The following TTN variants were observed in gnomAD, a reference collection of about 807,000 sequenced individuals.
The protein encoded by TTN is titin, also known as connectin.
TTN carries 1,525 observed loss-of-function variants against 3,223.0 expected under a neutral mutation model. The ratio of observed to expected loss-of-function variants is 0.47; its 90% CI spans 0.45 to 0.49. The LOEUF (loss-of-function observed/expected upper bound fraction) is 0.49, where lower values mean the gene tolerates loss of function less well. Among genes scored for constraint, TTN ranks in the 20% least tolerant of loss-of-function variants. The pLI is 0.00. For missense variants in TTN, 40,786 were observed against 43,424.0 expected (o/e 0.94, Z 5.40); for synonymous variants, 14,094 against 15,161.0 (o/e 0.93, Z 5.17).
rs1160730554 is a variant in TTN, at chr2:178,715,604, C to T, written c.25810G>A (p.Val8604Met). 6.2e-7 allele frequency: 1 copy of T among 1,613,672 alleles called. No homozygotes were observed. Among genetic ancestry groups the T allele is most frequent in the African/African-American group, 1.3e-5 (1 of 75,014 alleles). The change falls in exon 89 of 363, where the codon GTG becomes ATG. Residue 8604 changes from valine (V) to methionine (M), a missense_variant. Coordinates refer to ENST00000589042, the MANE Select transcript of TTN (RefSeq NM_001267550.2). ...AGATTGTGCATTTCCAGCACAGCCACCGAGTCAACGAATGACATTCTGAAT... is the reference window on the plus strand; with the variant it reads ...AGATTGTGCATTTCCAGCACAGCCATCGAGTCAACGAATGACATTCTGAAT... ...SKFRMSFVDSVAVLEMHNLSV... is the reference protein window; with the variant it reads ...SKFRMSFVDSMAVLEMHNLSV...
At position 178,565,591 on chromosome 2, in the gene TTN, T is replaced by C. The variant is rs1575673279; in HGVS notation, c.80541A>G (p.Gln26847=). The change falls in exon 326 of 363, where the codon CAA becomes CAG. Residue 26847 remains glutamine, a synonymous_variant. Coordinates refer to ENST00000589042, the MANE Select transcript of TTN (RefSeq NM_001267550.2). The part of the protein sequence containing the change: ...NAVVTGLSSG[Q]EYQFRVKAYN... ...AAGCCTTGACACGGAACTGATATTC[T>C]TGTCCAGAACTCAAACCAGTAACAA... 6.2e-7 allele frequency: 1 copy of C among 1,613,654 alleles called. No individual in the cohort carries two copies. The highest frequency in any genetic ancestry group is 1.3e-5 in the African/African-American group (1 of 75,028).
chr2:178,597,612 T>G lies in TTN; in HGVS notation c.57470A>C (p.His19157Pro). Residue 19157 changes from histidine (H) to proline (P), a missense_variant, in exon 294 of 363, where the codon CAT becomes CCT. Physicochemically the swap from His to Pro is moderately conservative, Grantham distance 77 (BLOSUM62 -2). Transcript: ENST00000589042. Reference sequence around the variant, plus strand: ...GGCAAGAAGAGAATAGACGCCTTGATGGCTCCTCTGGCAGTTCTTGATGAC... The same window carrying G: ...GGCAAGAAGAGAATAGACGCCTTGAGGGCTCCTCTGGCAGTTCTTGATGAC... ...SMVIKNCQRS[H>P]QGVYSLLAKN... 6.2e-7 allele frequency: 1 copy of G among 1,613,238 alleles called. No homozygotes were observed. Among genetic ancestry groups the G allele is most frequent in the East Asian group, 2.2e-5 (1 of 44,666 alleles).
In TTN at chr2:178,547,184, C is replaced by G. The variant is rs1169915824; in HGVS notation, c.94341G>C (p.Lys31447Asn). ...GSKIIGYWVE[K>N]KERNTILWVK... is the part of the protein sequence containing the mutation. ...CCCAAAGAATTGTATTACGTTCTTT[C>G]TTCTCAACCCAGTAGCCAATGATTT... Residue 31447 changes from lysine to asparagine, a missense_variant, in exon 340 of 363, where the codon AAG (lysine) becomes AAC (asparagine). Transcript: ENST00000589042. The G allele has an allele frequency of 6.2e-7, 1 of 1,613,854 alleles. No homozygotes were observed. The highest frequency in any genetic ancestry group is 1.7e-5 in the Admixed American group (1 of 60,010).
intron 117 of TTN, 31 bp downstream of exon 117, chr2:178,694,568 G>C: frequency 6.6e-7 from 1 of 1,521,800 alleles, no homozygotes. Flanking sequence ...AAAAAATTTT[G>C]AACTTGTAGC....
chr2:178,727,787 T>G lies in TTN; in HGVS notation c.19791A>C (p.Leu6597=), dbSNP rs774156360. The change falls in exon 68 of 363, where the codon CTA becomes CTC. Residue 6597 remains leucine (L), a synonymous_variant. Transcript: ENST00000589042. ...TTATTTTAAATGGTGGTGTTCCTTT[T>G]AGTATTGCCTTAAATTCCACTGTAG... ...PDSTVEFKAI[L]KGTPPFKIKW... The G allele has an allele frequency of 1.9e-6, 3 of 1,613,092 alleles. No individual in the cohort carries two copies. The highest frequency in any genetic ancestry group is 2.2e-5 in the South Asian group (2 of 90,942).
Position 178,681,382 on chromosome 2 carries a change from G to A in TTN, c.33241C>T (p.Pro11081Ser), listed in dbSNP as rs770123814. ...TTATTACTCAGTAATGTACCTTTGGGTGGTGGAGGTTTGAGTTTCTTAGGA... is the reference window on the plus strand; with the variant it reads ...TTATTACTCAGTAATGTACCTTTGGATGGTGGAGGTTTGAGTTTCTTAGGA... ...PIPKKLKPPP[P>S]KVPEEPKKVF... Residue 11081 changes from proline to serine, a missense_variant, in exon 137 of 363, where the codon CCC (proline) becomes TCC (serine). By Grantham distance (74) the Pro-to-Ser change is moderately conservative (BLOSUM62 -1). Transcript: ENST00000589042. The A allele has an allele frequency of 6.2e-7, 1 of 1,611,622 alleles. No homozygotes were observed. Among genetic ancestry groups the A allele is most frequent in the Admixed American group, 1.7e-5 (1 of 59,816 alleles).
rs1484148648 is a variant in TTN, at chr2:178,609,877, G to A, written c.51546C>T (p.Tyr17182=). The change falls in exon 272 of 363, where the codon TAC becomes TAT. Residue 17182 remains tyrosine, a synonymous_variant. Coordinates refer to ENST00000589042, the MANE Select transcript of TTN (RefSeq NM_001267550.2). ...LYDGGSKIMG[Y]IIEKIAKGEE... The stretch of plus-strand genomic sequence containing the variant: ...CACCCTTAGCAATCTTCTCTATGAT[G>A]TAGCCCATTATCTTGCTCCCTCCAT... The A allele has an allele frequency of 1.2e-6, 2 of 1,612,916 alleles. No homozygotes were observed. Among genetic ancestry groups the A allele is most frequent in the Middle Eastern group, 1.6e-4 (1 of 6,076 alleles).
At position 178,650,825 on chromosome 2, in the gene TTN, A is replaced by G; in HGVS notation, c.39635T>C (p.Val13212Ala). 6.2e-7 allele frequency: 1 copy of G among 1,604,166 alleles called. No individual in the cohort carries two copies. Among genetic ancestry groups the G allele is most frequent in the Non-Finnish European group, 8.5e-7 (1 of 1,174,890 alleles). Residue 13212 changes from valine to alanine, a missense_variant, in exon 209 of 363, where the codon GTG becomes GCG. Physicochemically the swap from Val to Ala is moderately conservative, Grantham distance 64. Transcript: ENST00000589042. Reference sequence around the variant, plus strand: ...CTCTTCCAAGACAGGTTTCTTTGGCACTTCTGGCACTTTAAAGATATTAAT... The same window carrying G: ...CTCTTCCAAGACAGGTTTCTTTGGCGCTTCTGGCACTTTAAAGATATTAAT... ...PEVPPAKVPE[V>A]PKKPVLEEKP... is the part of the protein sequence containing the mutation.
rs1291879446 is a variant in TTN at position 178,579,750 on chromosome 2, T to C, written c.67447A>G (p.Ile22483Val). The C allele has an allele frequency of 6.2e-7, 1 of 1,613,280 alleles. No individual in the cohort carries two copies. Among genetic ancestry groups the C allele is most frequent in the South Asian group, 1.1e-5 (1 of 91,080 alleles). ...KKPHSDGGSR[I>V]IGYVVDFLTE... ...AGGAAATCAACTACATATCCAATAA[T>C]CCGACTTCCACCATCACTGTGAGGC... The change falls in exon 319 of 363, where the codon ATT becomes GTT. Residue 22483 changes from isoleucine (I) to valine (V), a missense_variant. Ile to Val is a conservative substitution (Grantham distance 29). Transcript: ENST00000589042.
In TTN at chr2:178,618,024, G is replaced by A. The variant is rs745354783; in HGVS notation, c.47327C>T (p.Ser15776Leu). The A allele has an allele frequency of 6.2e-7, 1 of 1,612,386 alleles. No homozygotes were observed. The highest frequency in any genetic ancestry group is 1.3e-5 in the African/African-American group (1 of 74,820). The change falls in exon 253 of 363, where the codon TCA (serine) becomes TTA (leucine). Residue 15776 changes from serine to leucine, a missense_variant. Coordinates refer to ENST00000589042, the MANE Select transcript of TTN (RefSeq NM_001267550.2). The stretch of plus-strand genomic sequence containing the variant: ...ATACTCTGGTGGTTCCCATGTCAGT[G>A]AGACACCAAATCGATTCACATCAGT... ...TITDVNRFGV[S>L]LTWEPPEYDG...
chr2:178,612,377 A>T lies in TTN; in HGVS notation c.50148T>A (p.Thr16716=), dbSNP rs374138859. 7.4e-6 allele frequency: 12 copies of T among 1,612,464 alleles called. No homozygotes were observed. The highest frequency in any genetic ancestry group is 5.0e-5 in the Admixed American group (3 of 59,882). ...KDTKCTVTPL[T]EGSLYVFRVA... is the part of the protein sequence containing the mutation. ...CTCGGAACACATATAAAGAGCCCTCAGTCAGTGGGGTGACTGTGCACTTGG... is the reference window on the plus strand; with the variant it reads ...CTCGGAACACATATAAAGAGCCCTCTGTCAGTGGGGTGACTGTGCACTTGG... The change falls in exon 266 of 363, where the codon ACT becomes ACA. Residue 16716 remains threonine (T), a synonymous_variant. Transcript: ENST00000589042.
chr2:178,551,811 C>T lies in TTN; in HGVS notation c.91089G>A (p.Lys30363=), dbSNP rs762103106. 112 of 1,613,688 alleles carry T rather than the reference C, an allele frequency of 6.9e-5. No homozygotes were observed. Among genetic ancestry groups the T allele is most frequent in the Non-Finnish European group, 8.5e-5 (100 of 1,179,798 alleles). Reference sequence around the variant, plus strand: ...GCCAGAGGATGCTATTTCTTTCTTTCTTTTCAACATGGAATCCAGTAACTT... The same window carrying T: ...GCCAGAGGATGCTATTTCTTTCTTTTTTTTCAACATGGAATCCAGTAACTT... The part of the protein sequence containing the change: ...GSEVTGFHVE[K]KERNSILWQK... Residue 30363 remains lysine, a synonymous_variant, in exon 335 of 363, where the codon AAG becomes AAA. Coordinates refer to ENST00000589042, the MANE Select transcript of TTN (RefSeq NM_001267550.2).
At chr2:178,789,686 TA>T (rs748239931) in intron 12 of TTN, among the ~76,000 whole-genome samples, 189 bp from the exon 13 acceptor site, 1 of 152,110 alleles carries the variant, frequency 6.6e-6, no homozygotes, top group Non-Finnish European at 1.5e-5. Flanking sequence ...TGTTAGCTAT[TA>T]AAAAACCTCT....
At chr2:178,757,517 G>A (rs754910267) in intron 45 of TTN, 25 bp downstream of exon 45, 46 of 1,516,562 alleles carry the variant, frequency 3.0e-5, no homozygotes, top group Non-Finnish European at 3.9e-5. Context: ...GCAAATCAAA[G>A]TCCTTGAAGC....
chr2:178,672,664 A>G lies in TTN; in HGVS notation c.34826T>C (p.Val11609Ala), dbSNP rs767524348. 4.3e-6 allele frequency: 7 copies of G among 1,610,222 alleles called. No homozygotes were observed. The highest frequency in any genetic ancestry group is 2.2e-5 in the East Asian group (1 of 44,794). Residue 11609 changes from valine (V) to alanine (A), a missense_variant, in exon 153 of 363, where the codon GTT (valine) becomes GCT (alanine). Coordinates refer to ENST00000589042, the MANE Select transcript of TTN (RefSeq NM_001267550.2). Reference protein sequence around the residue: ...KIPEEKVPVPVQKKEAPPAKV... With the variant: ...KIPEEKVPVPAQKKEAPPAKV... ...GGCTGGGGGTGCCTCTTTTTTCTGA[A>G]CAGGAACAGGTACTTTTTCCTCAGG...
In TTN at chr2:178,710,834, C is replaced by T. The variant is rs747419852; in HGVS notation, c.28263G>A (p.Thr9421=). The change falls in exon 98 of 363, where the codon ACG becomes ACA. Residue 9421 remains threonine (T), a synonymous_variant. Coordinates refer to ENST00000589042, the MANE Select transcript of TTN (RefSeq NM_001267550.2). ...AGCTGACCTTTATCGGTTGTGTGCC[C>T]GTGACGTGGCACTCAAAGTCAGCAC... The part of the protein sequence containing the change: ...GESADFECHV[T]GTQPIKVSWA... The T allele has an allele frequency of 5.0e-6, 8 of 1,613,694 alleles. No homozygotes were observed. Among genetic ancestry groups the T allele is most frequent in the South Asian group, 1.1e-5 (1 of 91,078 alleles).
chr2:178,605,053 T>C lies in TTN; in HGVS notation c.54124A>G (p.Thr18042Ala), dbSNP rs1034402778. ...CGATTGGAAGCAGTAACTGTGTAAG[T>C]GCCTTTGTCCTCCCGGACCGCTTTG... ...IPKAVREDKG[T>A]YTVTASNRLG... Residue 18042 changes from threonine to alanine, a missense_variant, in exon 280 of 363, where the codon ACT becomes GCT. Coordinates refer to ENST00000589042, the MANE Select transcript of TTN (RefSeq NM_001267550.2). The C allele has an allele frequency of 3.1e-6, 5 of 1,612,194 alleles. No homozygotes were observed. The highest frequency in any genetic ancestry group is 3.4e-6 in the Non-Finnish European group (4 of 1,178,846).
At chr2:178,591,915 T>C in intron 302 of TTN, 23 bp from the exon 303 acceptor site, 2 of 1,605,032 alleles carry the variant, frequency 1.2e-6, no homozygotes, top group African/African-American at 1.3e-5. Context: ...GAAGTTATGA[T>C]GAAAAAGTAA....
intron 97 of TTN, 40 bp downstream of exon 97, chr2:178,711,022 T>C: frequency 6.5e-7 from 1 of 1,548,446 alleles, no homozygotes; most frequent in Non-Finnish European, 8.7e-7. Flanking sequence ...TTGATTATAA[T>C]ACTTTAATTC....
Sources: allele counts gnomAD v4.1 joint callset (sites outside exome capture counted in the v4.1 genomes callset), GRCh38; gene constraint gnomAD v4.1.1; transcripts MANE v1.5; gene names NCBI Gene and HGNC (gene_info 2026-07-23, HGNC 2026-07-21).